Variants in RNF150 observed in about 807,000 individuals in gnomAD.
RNF150 encodes the protein ring finger protein 150.
RNF150 carries 24 observed loss-of-function variants against 39.3 expected under a neutral mutation model. That is an observed-to-expected ratio of 0.61 (90% CI 0.44 to 0.86). The LOEUF is 0.86. Among genes scored for constraint, RNF150 ranks in the 40% least tolerant of loss-of-function variants. RNF150 has a pLI of 0.00. For synonymous variants in RNF150, 255 were observed against 227.3 expected, an observed-to-expected ratio of 1.12 and a Z score of -1.10; for missense variants, 502 against 587.8, an observed-to-expected ratio of 0.85 and a Z score of 1.51.
intron 1 of RNF150, among the ~76,000 whole-genome samples, chr4:141,043,421 T>C (rs577949316): frequency 1.8e-4 from 28 of 152,242 alleles, no homozygotes; most frequent in African/African-American, 6.5e-4. Flanking sequence ...TAAAAATTCA[T>C]AAAATGCAAA....
chr4:141,156,947 A>G (rs903435293), intron 1 of RNF150, among the ~76,000 whole-genome samples: 2 of 152,104 alleles, frequency 1.3e-5, no homozygotes, highest in African/African-American at 4.8e-5. Context: ...AAAATAATCA[A>G]TTAAGGTCCA....
intron 1 of RNF150, among the ~76,000 whole-genome samples, chr4:141,118,208 T>G (rs1261039397): frequency 6.6e-6 from 1 of 152,146 alleles, no homozygotes; most frequent in Non-Finnish European, 1.5e-5. Flanking sequence ...ACTTTGACAA[T>G]TGATAGGCTG....
intron 6 of RNF150, among the ~76,000 whole-genome samples, chr4:140,899,021 A>T (rs1209830074): frequency 6.6e-6 from 1 of 152,200 alleles, no homozygotes; most frequent in East Asian, 1.9e-4. Flanking sequence ...GATACGAGAC[A>T]GTGTGTTAAC....
chr4:141,127,550 G>T (rs1022217084), intron 1 of RNF150, among the ~76,000 whole-genome samples: 2 of 152,156 alleles, frequency 1.3e-5, no homozygotes, highest in Non-Finnish European at 2.9e-5. Context: ...TCCATACATT[G>T]AACTCTGAGC....
intron 1 of RNF150, among the ~76,000 whole-genome samples, chr4:141,078,816 T>A (rs1401463049): frequency 0.01 from 1,090 of 108,362 alleles, 31 homozygotes; most frequent in African/African-American, 0.03. Flanking sequence ...AAAATATATA[T>A]ATATATATAT....
rs184849911 is a variant in RNF150 at position 140,877,595 on chromosome 4, A to G, written c.1199-9216T>C. 1.2e-3 allele frequency among the ~76,000 whole-genome samples: 178 copies of G among 152,354 alleles called. 1 individual carries two copies. The highest frequency in any genetic ancestry group is 1.5e-3 in the Non-Finnish European group (104 of 68,038). On this transcript the variant is annotated intron_variant, in intron 6 of 6. Transcript: ENST00000515673. ...TGTTTATTGAACATGTATTAGGTAC[A>G]CAGCACTGCTGATGAGCAGTGTGGA... is the stretch of plus-strand genomic sequence containing the variant.
At chr4:140,982,948 C>T (rs910562237) in intron 1 of RNF150, among the ~76,000 whole-genome samples, 3 of 152,120 alleles carry the variant, frequency 2.0e-5, no homozygotes, top group African/African-American at 4.8e-5. Flanking sequence ...GTTCTGGCAT[C>T]GAATTTTCAT....
chr4:141,044,603 G>A (rs1736494097), intron 1 of RNF150, among the ~76,000 whole-genome samples: 1 of 152,160 alleles, frequency 6.6e-6, no homozygotes, highest in Non-Finnish European at 1.5e-5. Context: ...GTCTTGGACT[G>A]GAAAATACTG....
intron 6 of RNF150, among the ~76,000 whole-genome samples, chr4:140,892,929 G>A (rs1729809162): frequency 6.6e-6 from 1 of 152,240 alleles, no homozygotes; most frequent in South Asian, 2.1e-4. Context: ...TTAGCTGAGT[G>A]TGGTGGTGTG....
chr4:140,868,786 G>A lies in RNF150; in HGVS notation c.1199-407C>T, dbSNP rs1293416296. ...GGAATTTGCAAAAAATTTCACAAAG[G>A]TTTCTATTCTTAACATATAGAAAGC... On this transcript the variant is annotated intron_variant, in intron 6 of 6. Transcript: ENST00000515673. Among the ~76,000 whole-genome samples, 3 of 152,054 alleles carry A rather than the reference G, an allele frequency of 2.0e-5. No homozygotes were observed. The East Asian group carries it at 5.8e-4, about 29-fold the overall frequency.
At chr4:140,883,327 C>G (rs6829424) in intron 6 of RNF150, among the ~76,000 whole-genome samples, 14 of 152,086 alleles carry the variant, frequency 9.2e-5, no homozygotes, top group South Asian at 8.3e-4. Context: ...ACCACCCTAT[C>G]ACAGTATTGT....
intron 1 of RNF150, among the ~76,000 whole-genome samples, chr4:141,116,018 A>G (rs1275238041): frequency 6.6e-6 from 1 of 152,254 alleles, no homozygotes; most frequent in Admixed American, 6.5e-5. Context: ...CTTTAACGTA[A>G]GACCTAAAAC....
chr4:141,205,244 G>T (rs1425760958), intron 1 of RNF150, among the ~76,000 whole-genome samples: 3 of 151,962 alleles, frequency 2.0e-5, no homozygotes, highest in Non-Finnish European at 4.4e-5. Flanking sequence ...TCTAGTACAG[G>T]TACATAAGCT....
chr4:141,202,053 C>T (rs1300647998), intron 1 of RNF150, among the ~76,000 whole-genome samples: 3 of 152,168 alleles, frequency 2.0e-5, no homozygotes, highest in East Asian at 1.9e-4. Context: ...TCTCACCAGA[C>T]ACTGAATCTG....
At chr4:141,131,557 C>G (rs906642915) in intron 1 of RNF150, among the ~76,000 whole-genome samples, 6 of 152,216 alleles carry the variant, frequency 3.9e-5, no homozygotes, top group Admixed American at 1.3e-4. Flanking sequence ...CATTTCTAGT[C>G]CTGGTACCTG....
chr4:141,146,664 T>A (rs1342519479), intron 1 of RNF150, among the ~76,000 whole-genome samples: 1 of 152,204 alleles, frequency 6.6e-6, no homozygotes, highest in Non-Finnish European at 1.5e-5. Flanking sequence ...TACTGTACTC[T>A]CATCCCTTTG....
At chr4:140,932,066 T>G (rs1208107218) in intron 4 of RNF150, among the ~76,000 whole-genome samples, 1 of 152,200 alleles carries the variant, frequency 6.6e-6, no homozygotes, top group Non-Finnish European at 1.5e-5. Flanking sequence ...GACCCTGTGG[T>G]TTTCCTTTGG....
chr4:140,917,730 A>G (rs1362648389), intron 5 of RNF150, among the ~76,000 whole-genome samples: 3 of 151,934 alleles, frequency 2.0e-5, no homozygotes, highest in African/African-American at 7.3e-5. Context: ...AAATCAACAG[A>G]ATATACATTT....
chr4:141,007,494 T>C (rs184477636), intron 1 of RNF150, among the ~76,000 whole-genome samples: 52 of 152,330 alleles, frequency 3.4e-4, no homozygotes, highest in African/African-American at 1.3e-3. Context: ...AAGTATATTT[T>C]ATGTTTCAGT....
Sources: allele counts gnomAD v4.1 joint callset (sites outside exome capture counted in the v4.1 genomes callset), GRCh38; gene constraint gnomAD v4.1.1; transcripts MANE v1.5; gene names NCBI Gene and HGNC (gene_info 2026-07-23, HGNC 2026-07-21).